The following PIK3CB variants were observed in gnomAD, a reference collection of about 807,000 sequenced individuals.
The protein encoded by PIK3CB is phosphatidylinositol 4,5-bisphosphate 3-kinase catalytic subunit beta isoform.
PIK3CB carries 39 observed loss-of-function variants against 136.8 expected under a neutral mutation model. That is an observed-to-expected ratio of 0.29 (90% CI 0.22 to 0.37). PIK3CB has a LOEUF of 0.37. Ranked by LOEUF, PIK3CB falls within the 10% of genes least tolerant of loss-of-function variation. PIK3CB has a pLI of 1.00. For missense variants in PIK3CB, 868 were observed against 1,275.4 expected (o/e 0.68, Z 4.87); for synonymous variants, 428 against 436.6 (o/e 0.98, Z 0.25).
intron 13 of PIK3CB, among the ~76,000 whole-genome samples, chr3:138,696,637 T>TG (rs974750246): frequency 6.6e-6 from 1 of 152,132 alleles, no homozygotes; most frequent in African/African-American, 2.4e-5. Context: ...CATGGGTTAT[T>TG]GGGGGGAAAA....
intron 1 of PIK3CB, among the ~76,000 whole-genome samples, chr3:138,826,499 G>GTTTTTTTT (rs34843148): frequency 2.1e-5 from 2 of 95,936 alleles, no homozygotes; most frequent in Admixed American, 1.2e-4. Context: ...GACCATTTGG[G>GTTTTTTTT]TTTTTTTTTT....
At chr3:138,702,229 G>A (rs1017381281) in intron 12 of PIK3CB, among the ~76,000 whole-genome samples, 7 of 147,946 alleles carry the variant, frequency 4.7e-5, no homozygotes, top group Admixed American at 1.3e-4. Context: ...ATGCCACCAC[G>A]CCCAGTTAAT....
At position 138,691,133 on chromosome 3, in the gene PIK3CB, GTTC is replaced by G. The variant is rs761657066; in HGVS notation, c.1900_1902del (p.Glu634del). Reference sequence around the variant, plus strand: ...ACCAGTTGTAAAAGATATTGAGAAAGTTCTTCATCACTGAAAGAAACAAAAGAC... The same window carrying G: ...ACCAGTTGTAAAAGATATTGAGAAAGTTCATCACTGAAAGAAACAAAAGAC... On this transcript the variant is annotated inframe_deletion, in exon 15 of 24. Coordinates refer to ENST00000674063, the MANE Select transcript of PIK3CB (RefSeq NM_006219.3). 6.2e-7 allele frequency: 1 copy of G among 1,612,212 alleles called. No individual in the cohort carries two copies. Among genetic ancestry groups the G allele is most frequent in the South Asian group, 1.1e-5 (1 of 90,700 alleles).
intron 1 of PIK3CB, among the ~76,000 whole-genome samples, chr3:138,801,546 T>C (rs1212121445): frequency 6.6e-6 from 1 of 151,704 alleles, no homozygotes; most frequent in African/African-American, 2.4e-5. Flanking sequence ...GCCTGGACAA[T>C]GTAGCAGATC....
chr3:138,739,913 A>T (rs879635834), intron 5 of PIK3CB, among the ~76,000 whole-genome samples: 56 of 150,802 alleles, frequency 3.7e-4, no homozygotes, highest in Non-Finnish European at 5.2e-4. Context: ...AAATAAAAAA[A>T]AAAAAAATAA....
At chr3:138,762,681 A>G (rs977495728) in intron 2 of PIK3CB, among the ~76,000 whole-genome samples, 1 of 152,178 alleles carries the variant, frequency 6.6e-6, no homozygotes, top group African/African-American at 2.4e-5. Flanking sequence ...TTGCAGGGCC[A>G]GGTAGGGTGG....
intron 2 of PIK3CB, among the ~76,000 whole-genome samples, chr3:138,780,837 T>A (rs1030883978): frequency 1.3e-5 from 2 of 151,954 alleles, no homozygotes; most frequent in African/African-American, 4.8e-5. Context: ...CCTGACTAAT[T>A]TTGTGGGGTT....
At chr3:138,734,130 TAAAGAC>T (rs961283403) in intron 7 of PIK3CB, among the ~76,000 whole-genome samples, 2 of 152,150 alleles carry the variant, frequency 1.3e-5, no homozygotes, top group African/African-American at 4.8e-5. Flanking sequence ...ACTGTTCAAA[TAAAGAC>T]AAAGTTAAAA....
At chr3:138,699,721 G>C (rs2044208363) in intron 12 of PIK3CB, among the ~76,000 whole-genome samples, 1 of 152,156 alleles carries the variant, frequency 6.6e-6, no homozygotes, top group South Asian at 2.1e-4. Context: ...GAGAACTCAT[G>C]GTCTTTAATA....
At chr3:138,685,447 T>C (rs1162287336) in intron 16 of PIK3CB, among the ~76,000 whole-genome samples, 2 of 107,688 alleles carry the variant, frequency 1.9e-5, no homozygotes, top group Admixed American at 8.9e-5. Context: ...AAGATAAATA[T>C]GAAACTTAAA....
rs549746873 is a variant in PIK3CB at position 138,720,364 on chromosome 3, C to T, written c.1051-5645G>A. On this transcript the variant is annotated intron_variant, in intron 8 of 23. Coordinates refer to ENST00000674063, the MANE Select transcript of PIK3CB (RefSeq NM_006219.3). ...GAAAACTTTGTAGCCATCACTAAGA[C>T]CTCTATTTCAACAACCAACACCTCT... 1.4e-4 allele frequency among the ~76,000 whole-genome samples: 21 copies of T among 152,268 alleles called. No homozygotes were observed. The South Asian group carries it at 2.7e-3, about 20-fold the overall frequency.
chr3:138,754,754 G>A (rs2045533973), intron 4 of PIK3CB, among the ~76,000 whole-genome samples: 1 of 152,112 alleles, frequency 6.6e-6, no homozygotes, highest in Non-Finnish European at 1.5e-5. Flanking sequence ...AATTATTATA[G>A]GGTTAAGATC....
At chr3:138,783,561 G>A (rs2045943809) in intron 2 of PIK3CB, among the ~76,000 whole-genome samples, 1 of 152,148 alleles carries the variant, frequency 6.6e-6, no homozygotes, top group South Asian at 2.1e-4. Context: ...GGGAATAGAG[G>A]CATGAGCCAC....
At chr3:138,703,490 ACAAAGT>A (rs1267879509) in intron 12 of PIK3CB, among the ~76,000 whole-genome samples, 1 of 152,168 alleles carries the variant, frequency 6.6e-6, no homozygotes, top group Non-Finnish European at 1.5e-5. Flanking sequence ...TTACAGCTCA[ACAAAGT>A]CAAACTAGAA....
At chr3:138,756,728 T>C (rs1040939649) in intron 3 of PIK3CB, among the ~76,000 whole-genome samples, 1 of 152,076 alleles carries the variant, frequency 6.6e-6, no homozygotes, top group Non-Finnish European at 1.5e-5. Flanking sequence ...TTCAGTTACA[T>C]AAAACATACA....
At chr3:138,672,909 TG>T (rs1373688665) in intron 19 of PIK3CB, among the ~76,000 whole-genome samples, 1 of 104,038 alleles carries the variant, frequency 9.6e-6, no homozygotes, top group African/African-American at 4.1e-5. Context: ...GAGACTCCGT[TG>T]AAAAAAAAAA....
At chr3:138,657,981 G>T in intron 21 of PIK3CB, 146 bp from the exon 22 acceptor site, 1 of 639,634 alleles carries the variant, frequency 1.6e-6, no homozygotes, top group Non-Finnish European at 2.6e-6. Flanking sequence ...ACTGAGCCAG[G>T]TGAGAAGAGA....
At chr3:138,703,393 C>T (rs1001226656) in intron 12 of PIK3CB, among the ~76,000 whole-genome samples, 7 of 152,070 alleles carry the variant, frequency 4.6e-5, no homozygotes, top group African/African-American at 1.4e-4. Context: ...AGTTTGCCTC[C>T]TAGTCTCTAT....
intron 2 of PIK3CB, among the ~76,000 whole-genome samples, chr3:138,783,043 A>G (rs566186119): frequency 1.3e-5 from 2 of 152,286 alleles, no homozygotes; most frequent in East Asian, 3.9e-4. Context: ...GCAGTGGGGG[A>G]TATCATTAAT....
Sources: gnomAD v4.1 joint callset for allele counts (sites outside exome capture counted in the v4.1 genomes callset) on GRCh38, gnomAD v4.1.1 for gene constraint, MANE v1.5 for transcripts, NCBI Gene and HGNC (gene_info 2026-07-23, HGNC 2026-07-21) for gene names.